The following LRP1 variants were observed in gnomAD, a reference collection of about 807,000 sequenced individuals.
LRP1 encodes the protein LDL receptor related protein 1, also known as prolow-density lipoprotein receptor-related protein 1.
Under a neutral mutation model 541.5 loss-of-function variants are expected in LRP1, and 51 were observed. That is an observed-to-expected ratio of 0.09 (90% CI 0.08 to 0.12). The LOEUF (loss-of-function observed/expected upper bound fraction) is 0.12, where lower values mean the gene tolerates loss of function less well. Ranked by LOEUF, LRP1 falls within the 10% of genes least tolerant of loss-of-function variation. LRP1 has a pLI of 1.00. For missense variants in LRP1, 3,878 were observed against 6,376.2 expected (o/e 0.61, Z 13.34); for synonymous variants, 2,219 against 2,470.8 (o/e 0.90, Z 3.02).
Position 57,183,973 on chromosome 12 carries a change from G to A in LRP1, c.5929+64G>A, listed in dbSNP as rs34548137. The A allele has an allele frequency of 6.3e-3, 10,201 of 1,609,490 alleles. 404 individuals carry two copies. In the African/African-American group the frequency reaches 0.09, roughly 14 times the overall value. On this transcript the variant is annotated intron_variant, in intron 36 of 88. Transcript: ENST00000243077. The surrounding 1 kb of genome is among the most constrained non-coding windows in gnomAD (Gnocchi z 6.1). ...AGAGGACTGGGGGACGAAGTGAGAG[G>A]AGGAGTTGGCGGGAGCAGGAAGAGG...
chr12:57,158,465 A>T lies in LRP1; in HGVS notation c.1625A>T (p.Asp542Val). The T allele has an allele frequency of 6.2e-7, 1 of 1,614,104 alleles. No homozygotes were observed. The highest frequency in any genetic ancestry group is 8.5e-7 in the Non-Finnish European group (1 of 1,179,978). ...CGGCCAGGCATCATCCGGGGCATGG[A>T]TATGGGGGCCAAGGTCCCGGATGAG... ...KGRPGIIRGMDMGAKVPDEHM... is the reference protein window; with the variant it reads ...KGRPGIIRGMVMGAKVPDEHM... Residue 542 changes from aspartate (D) to valine (V), a missense_variant, in exon 11 of 89, where the codon GAT becomes GTT. By Grantham distance (152) the Asp-to-Val change is radical. This residue lies in a region of LRP1 where 496 missense variants were observed against 861.0 expected (regional missense o/e 0.58). Coordinates refer to ENST00000243077, the MANE Select transcript of LRP1 (RefSeq NM_002332.3). This position sits in a 1 kb window ranked among gnomAD's most constrained non-coding sequence, Gnocchi z 5.3.
Position 57,210,164 on chromosome 12 carries a change from C to G in LRP1, c.12575C>G (p.Pro4192Arg), listed in dbSNP as rs762485864. The change falls in exon 81 of 89, where the codon CCA becomes CGA. Residue 4192 changes from proline to arginine, a missense_variant. Pro to Arg is a moderately radical substitution (Grantham distance 103, BLOSUM62 -2). Coordinates refer to ENST00000243077, the MANE Select transcript of LRP1 (RefSeq NM_002332.3). ...CVPVPSPTPP[P>R]DAPRPGTCNL... ...CCTGTGCCCTCTCCAACGCCCCCCC[C>G]AGATGGTATGCTTATGCCCTCCCAG... is the stretch of plus-strand genomic sequence containing the variant. The G allele has an allele frequency of 7.5e-6, 12 of 1,597,350 alleles. No homozygotes were observed. Among genetic ancestry groups the G allele is most frequent in the Non-Finnish European group, 9.4e-6 (11 of 1,171,686 alleles).
At chr12:57,192,745 C>T in intron 44 of LRP1, 100 bp from the exon 45 acceptor site, 3 of 1,521,986 alleles carry the variant, frequency 2.0e-6, no homozygotes, top group Non-Finnish European at 2.7e-6. Context: ...TGAGCAGAGG[C>T]TTGGGAGCTC....
intron 44 of LRP1, among the ~76,000 whole-genome samples, chr12:57,191,825 CACCACACACAT>C (rs1001290134): frequency 8.1e-5 from 9 of 111,694 alleles, no homozygotes; most frequent in East Asian, 3.0e-4. Context: ...ACATATACCA[CACCACACACAT>C]ACCACACACA....
chr12:57,180,475 C>T lies in LRP1; in HGVS notation c.5382C>T (p.Ile1794=). 1 of 1,613,952 alleles carries T rather than the reference C, an allele frequency of 6.2e-7. No homozygotes were observed. The highest frequency in any genetic ancestry group is 8.5e-7 in the Non-Finnish European group (1 of 1,180,008). ...SQLGKATALA[I]MGDKLWWADQ... Reference sequence around the variant, plus strand: ...TGGGCAAGGCCACCGCCCTGGCCATCATGGGTGAGGGCTGCTGGGCGAAGC... The same window carrying T: ...TGGGCAAGGCCACCGCCCTGGCCATTATGGGTGAGGGCTGCTGGGCGAAGC... The change falls in exon 32 of 89, where the codon ATC becomes ATT. Residue 1794 remains isoleucine, a synonymous_variant. Coordinates refer to ENST00000243077, the MANE Select transcript of LRP1 (RefSeq NM_002332.3).
At position 57,205,811 on chromosome 12, in the gene LRP1, G is replaced by A. The variant is rs958160074; in HGVS notation, c.11590+134G>A. The A allele has an allele frequency of 3.1e-5, 41 of 1,337,716 alleles. No homozygotes were observed. Among genetic ancestry groups the A allele is most frequent in the African/African-American group, 4.4e-5 (3 of 68,838 alleles). 82.9% of individuals were successfully genotyped at this position (1,337,716 alleles called of 1,614,324 possible). On this transcript the variant is annotated intron_variant, in intron 75 of 88. Coordinates refer to ENST00000243077, the MANE Select transcript of LRP1 (RefSeq NM_002332.3). The surrounding 1 kb of genome is among the most constrained non-coding windows in gnomAD (Gnocchi z 4.6). ...AAGAAGCCCCAGACTCATAGTTGCA[G>A]CTGCCTGAGCACAGTGCTGGCCCAG... is the stretch of plus-strand genomic sequence containing the variant.
intron 1 of LRP1, among the ~76,000 whole-genome samples, chr12:57,138,203 G>C (rs1054088990): frequency 6.6e-6 from 1 of 152,112 alleles, no homozygotes; most frequent in Non-Finnish European, 1.5e-5. Flanking sequence ...TGACTCCCAG[G>C]AACAGGCAGC....
intron 41 of LRP1, 125 bp from the exon 42 acceptor site, chr12:57,187,142 C>A: frequency 1.1e-6 from 1 of 916,936 alleles, no homozygotes; most frequent in Non-Finnish European, 1.6e-6. Flanking sequence ...GCACCTCTTG[C>A]ACTCCCATAC....
In LRP1 at chr12:57,141,295, C is replaced by T. The variant is rs544350979; in HGVS notation, c.191-79C>T. 94 of 1,555,250 alleles carry T rather than the reference C, an allele frequency of 6.0e-5. No homozygotes were observed. The South Asian group carries it at 1.1e-3, about 17-fold the overall frequency. ...GAGATCTGAAACCCCAGTTTTATCTCCCCTCATCCCCAGTGAACAGCTGAC... is the reference window on the plus strand; with the variant it reads ...GAGATCTGAAACCCCAGTTTTATCTTCCCTCATCCCCAGTGAACAGCTGAC... On this transcript the variant is annotated intron_variant, in intron 2 of 88. Coordinates refer to ENST00000243077, the MANE Select transcript of LRP1 (RefSeq NM_002332.3).
At position 57,208,848 on chromosome 12, in the gene LRP1, C is replaced by A. The variant is rs749721201; in HGVS notation, c.12145+31C>A. On this transcript the variant is annotated intron_variant, in intron 78 of 88. Transcript: ENST00000243077. ...TGGGGCAGGGTGCAGGAGGGACGGGCATGGAGGGGGCCCGGCTCGCAGAGC... is the reference window on the plus strand; with the variant it reads ...TGGGGCAGGGTGCAGGAGGGACGGGAATGGAGGGGGCCCGGCTCGCAGAGC... 10 of 1,557,226 alleles carry A rather than the reference C, an allele frequency of 6.4e-6. No homozygotes were observed. In the African/African-American group the frequency reaches 1.2e-4, roughly 19 times the overall value.
intron 6 of LRP1, chr12:57,149,893 G>T: frequency 1.6e-6 from 1 of 636,582 alleles, no homozygotes; most frequent in Non-Finnish European, 2.8e-6. Context: ...AGGCCCAGGC[G>T]AGATCCCTGA....
Position 57,201,034 on chromosome 12 carries a change from A to T in LRP1, c.10226A>T (p.Asp3409Val), listed in dbSNP as rs1311601504. 1 of 1,613,890 alleles carries T rather than the reference A, an allele frequency of 6.2e-7. No individual in the cohort carries two copies. The highest frequency in any genetic ancestry group is 8.5e-7 in the Non-Finnish European group (1 of 1,179,996). ...GAATCACCTCCTCCTCCCTCCACAG[A>T]CATCCACGTCTGCTTGCCCAGTCAG... ...CQDNSDEANC[D>V]IHVCLPSQFK... is the part of the protein sequence containing the mutation. Residue 3409 changes from aspartate to valine, a missense_variant and splice_region_variant, in exon 65 of 89, where the codon GAC becomes GTC. This residue lies in a region of LRP1 where 278 missense variants were observed against 536.3 expected (regional missense o/e 0.52). Transcript: ENST00000243077. The surrounding 1 kb of genome is among the most constrained non-coding windows in gnomAD (Gnocchi z 6.4).
intron 6 of LRP1, among the ~76,000 whole-genome samples, chr12:57,146,202 G>T (rs1352842875): frequency 1.4e-5 from 2 of 138,876 alleles, no homozygotes; most frequent in Admixed American, 1.5e-4. Flanking sequence ...CATCTCAGAG[G>T]CTGTTACACC....
At chr12:57,187,498 G>C in intron 42 of LRP1, 42 bp downstream of exon 42, 2 of 1,580,642 alleles carry the variant, frequency 1.3e-6, no homozygotes, top group Non-Finnish European at 1.7e-6. Flanking sequence ...GGAGAGGTGG[G>C]ACTCGGGGTG....
intron 62 of LRP1, 70 bp from the exon 63 acceptor site, chr12:57,200,372 C>T (rs931403567): frequency 9.5e-6 from 9 of 946,038 alleles, no homozygotes; most frequent in Admixed American, 1.8e-5. Context: ...AACATCCAAG[C>T]CCCTCAAAAG....
Position 57,177,728 on chromosome 12 carries a change from G to C in LRP1, c.4361+137G>C, listed in dbSNP as rs1327451488. The C allele has an allele frequency of 1.9e-6, 2 of 1,061,170 alleles. No individual in the cohort carries two copies. Among genetic ancestry groups the C allele is most frequent in the African/African-American group, 3.2e-5 (2 of 63,350 alleles). The allele number at this position is 1,061,170 out of a possible 1,614,324, so 65.7% of individuals were successfully genotyped here. On this transcript the variant is annotated intron_variant, in intron 26 of 88. Coordinates refer to ENST00000243077, the MANE Select transcript of LRP1 (RefSeq NM_002332.3). The surrounding 1 kb of genome is among the most constrained non-coding windows in gnomAD (Gnocchi z 6.8). ...AACGGTGGCAAAGGACTGGGCACAG[G>C]AGGAGGAGGACGGAGGGGCGTGGGG...
chr12:57,182,089 C>A (rs1463970932), intron 34 of LRP1, among the ~76,000 whole-genome samples: 1 of 152,086 alleles, frequency 6.6e-6, no homozygotes, highest in Non-Finnish European at 1.5e-5. Flanking sequence ...CTCACTTGAC[C>A]ATTCATTTTT....
intron 1 of LRP1, among the ~76,000 whole-genome samples, chr12:57,135,029 C>T (rs2035127025): frequency 6.6e-6 from 1 of 152,298 alleles, no homozygotes; most frequent in South Asian, 2.1e-4. Flanking sequence ...AACCCGGCTG[C>T]ATCCCATGAC....
At position 57,206,694 on chromosome 12, in the gene LRP1, T is replaced by G. The variant is rs371200042; in HGVS notation, c.11812T>G (p.Ser3938Ala). ...SLPPAAPPTT[S>A]NRHRRQIDRG... ...GCCACCTGCTGCGCCTCCTACCACT[T>G]CCAACCGCCACCGGCGACAGATTGA... Residue 3938 changes from serine (S) to alanine (A), a missense_variant, in exon 76 of 89, where the codon TCC becomes GCC. By Grantham distance (99) the Ser-to-Ala change is moderately conservative. Coordinates refer to ENST00000243077, the MANE Select transcript of LRP1 (RefSeq NM_002332.3). This position sits in a 1 kb window ranked among gnomAD's most constrained non-coding sequence, Gnocchi z 4.7. 5.6e-6 allele frequency: 9 copies of G among 1,613,308 alleles called. No individual in the cohort carries two copies. The African/African-American group carries it at 1.1e-4, about 19-fold the overall frequency.
Sources: gnomAD v4.1 joint callset for allele counts (sites outside exome capture counted in the v4.1 genomes callset) on GRCh38, gnomAD v4.1.1 for gene constraint, gnomAD v4.1.1 regional missense constraint, Gnocchi (gnomAD v3.1) non-coding constraint, MANE v1.5 for transcripts, NCBI Gene and HGNC (gene_info 2026-07-23, HGNC 2026-07-21) for gene names.